DCC: variants seen among roughly 807,000 people sequenced by gnomAD.
DCC encodes DCC netrin 1 receptor, also known as netrin receptor DCC.
Under a neutral mutation model 172.5 loss-of-function variants are expected in DCC, and 58 were observed. The ratio of observed to expected loss-of-function variants is 0.34; its 90% CI spans 0.27 to 0.42. The LOEUF is 0.42. Ranked by LOEUF, DCC falls within the 10% of genes least tolerant of loss-of-function variation. The pLI, the probability that DCC is intolerant of heterozygous loss-of-function variation, is 1.00. For synonymous variants in DCC, 709 were observed against 644.5 expected (o/e 1.10, Z -1.52); for missense variants, 1,740 against 1,791.0 (o/e 0.97, Z 0.51).
chr18:53,415,093 T>A (rs779932286), intron 20 of DCC, among the ~76,000 whole-genome samples: 11 of 152,206 alleles, frequency 7.2e-5, no homozygotes, highest in Admixed American at 1.3e-4. Context: ...CAATGATTTG[T>A]GCTGCTTTAT....
At chr18:53,426,018 T>C (rs1042239071) in intron 21 of DCC, among the ~76,000 whole-genome samples, 1 of 151,814 alleles carries the variant, frequency 6.6e-6, no homozygotes, top group Non-Finnish European at 1.5e-5. Flanking sequence ...GTTTTATTAT[T>C]GTACCTCTGC....
At chr18:53,365,753 A>G (rs1313192515) in intron 15 of DCC, among the ~76,000 whole-genome samples, 2 of 152,178 alleles carry the variant, frequency 1.3e-5, no homozygotes, top group African/African-American at 2.4e-5. Flanking sequence ...TCAGTCAACT[A>G]CATACTTCTG....
chr18:52,889,644 T>A (rs1215458351), intron 2 of DCC, among the ~76,000 whole-genome samples: 3 of 152,128 alleles, frequency 2.0e-5, no homozygotes, highest in Non-Finnish European at 4.4e-5. Flanking sequence ...TAAATCTTGT[T>A]TGTACAGTTA....
intron 7 of DCC, among the ~76,000 whole-genome samples, chr18:53,099,300 A>G (rs143592123): frequency 1.3e-5 from 2 of 152,116 alleles, no homozygotes; most frequent in Admixed American, 1.3e-4. Flanking sequence ...TCAATGGGTT[A>G]TTACCTGTTA....
At chr18:52,767,364 G>A (rs908356637) in intron 2 of DCC, among the ~76,000 whole-genome samples, 2 of 152,098 alleles carry the variant, frequency 1.3e-5, no homozygotes, top group African/African-American at 2.4e-5. Flanking sequence ...CAAACCTTGG[G>A]ACAATTTCAC....
chr18:52,601,359 T>C (rs1013447196), intron 1 of DCC, among the ~76,000 whole-genome samples: 15 of 152,050 alleles, frequency 9.9e-5, no homozygotes, highest in Non-Finnish European at 1.8e-4. Flanking sequence ...CACTTTTTTT[T>C]CCCCTGTTTT....
intron 15 of DCC, among the ~76,000 whole-genome samples, chr18:53,351,397 CAG>C (rs10585224): frequency 0.28 from 4,933 of 17,664 alleles, 730 homozygotes; most frequent in East Asian, 0.4. Flanking sequence ...TATATATATA[CAG>C]TGTATATATA....
intron 1 of DCC, among the ~76,000 whole-genome samples, chr18:52,444,720 T>G (rs1598823726): frequency 6.6e-6 from 1 of 152,306 alleles, no homozygotes; most frequent in South Asian, 2.1e-4. Context: ...TAATTTTTTT[T>G]TCTTCTCAAG....
At chr18:52,810,609 T>C (rs995419) in intron 2 of DCC, among the ~76,000 whole-genome samples, 87,564 of 151,984 alleles carry the variant, frequency 0.58, 28,718 homozygotes, top group East Asian at 0.86. Context: ...CTGAGGTCTT[T>C]TATGGACTCA....
chr18:53,087,149 T>C (rs2042925194), intron 7 of DCC, among the ~76,000 whole-genome samples: 1 of 152,168 alleles, frequency 6.6e-6, no homozygotes, highest in Non-Finnish European at 1.5e-5. Flanking sequence ...ATGGTATTTC[T>C]AGTCCTAGAT....
intron 5 of DCC, among the ~76,000 whole-genome samples, chr18:52,941,513 T>G (rs544971066): frequency 6.6e-4 from 101 of 152,002 alleles, no homozygotes; most frequent in Admixed American, 1.2e-3. Context: ...TATATATATA[T>G]ATACACACTT....
intron 12 of DCC, among the ~76,000 whole-genome samples, chr18:53,217,262 T>TACACACACAC (rs36226906): frequency 7.5e-6 from 1 of 133,366 alleles, no homozygotes; most frequent in South Asian, 2.2e-4. Flanking sequence ...ATATATATTA[T>TACACACACAC]ACACACACAC....
At chr18:52,908,657 T>C (rs1046193669) in intron 3 of DCC, among the ~76,000 whole-genome samples, 1 of 152,196 alleles carries the variant, frequency 6.6e-6, no homozygotes, top group Non-Finnish European at 1.5e-5. Flanking sequence ...TTTACCTTTG[T>C]TTCTTCACCT....
At chr18:53,024,448 A>G (rs913769150) in intron 5 of DCC, among the ~76,000 whole-genome samples, 26 of 152,146 alleles carry the variant, frequency 1.7e-4, no homozygotes, top group African/African-American at 6.3e-4. Context: ...TTACATTTGC[A>G]TAGCTCTGAA....
chr18:52,410,722 CACA>C (rs1251734191), intron 1 of DCC, among the ~76,000 whole-genome samples: 2 of 152,076 alleles, frequency 1.3e-5, no homozygotes, highest in Non-Finnish European at 2.9e-5. Context: ...TGAAGCAGCT[CACA>C]ACACTAGTTA....
Position 52,752,248 on chromosome 18 carries a change from T to G in DCC, c.286T>G (p.Ser96Ala). The change falls in exon 2 of 29, where the codon TCT (serine) becomes GCT (alanine). Residue 96 changes from serine to alanine, a missense_variant. Physicochemically the swap from Ser to Ala is moderately conservative, Grantham distance 99. This residue lies in a region of DCC where 1,732 missense variants were observed against 1,767.4 expected (regional missense o/e 0.98). Coordinates refer to ENST00000442544, the MANE Select transcript of DCC (RefSeq NM_005215.4). ...AAGGAAGCAGCAACTTTCAAATGGG[T>G]CTCTGCTGATACAAAACATACTTCA... ...DERKQQLSNG[S>A]LLIQNILHSR... The G allele has an allele frequency of 6.2e-7, 1 of 1,614,100 alleles. No homozygotes were observed. Among genetic ancestry groups the G allele is most frequent in the Non-Finnish European group, 8.5e-7 (1 of 1,180,026 alleles).
At chr18:52,806,490 A>G (rs1015598587) in intron 2 of DCC, among the ~76,000 whole-genome samples, 8 of 152,210 alleles carry the variant, frequency 5.3e-5, no homozygotes, top group African/African-American at 1.9e-4. Context: ...TGCAAAATTG[A>G]AAGTGAATGC....
chr18:52,521,256 T>C (rs1381554690), intron 1 of DCC, among the ~76,000 whole-genome samples: 1 of 152,192 alleles, frequency 6.6e-6, no homozygotes, highest in Non-Finnish European at 1.5e-5. Flanking sequence ...AACTTAAATT[T>C]ATATGTCAAC....
At chr18:53,481,892 CAG>C (rs1209648677) in intron 25 of DCC, among the ~76,000 whole-genome samples, 1 of 152,108 alleles carries the variant, frequency 6.6e-6, no homozygotes, top group African/African-American at 2.4e-5. Context: ...GCATCAATGT[CAG>C]AGATAAATTC....
Sources: allele counts gnomAD v4.1 joint callset (sites outside exome capture counted in the v4.1 genomes callset), GRCh38; gene constraint gnomAD v4.1.1; regional missense constraint gnomAD v4.1.1; transcripts MANE v1.5; gene names NCBI Gene and HGNC (gene_info 2026-07-23, HGNC 2026-07-21).